Variants in AKAP7 observed in about 807,000 individuals in gnomAD.
AKAP7 encodes A-kinase anchoring protein 7.
A neutral mutation model predicts 39.5 loss-of-function variants in AKAP7; 39 were observed. The ratio of observed to expected loss-of-function variants is 0.99; its 90% CI spans 0.76 to 1.29. AKAP7 has a LOEUF of 1.29. Ranked by LOEUF, AKAP7 falls within the 50% of genes most tolerant of loss-of-function variation. AKAP7 has a pLI of 0.00. For synonymous variants in AKAP7, 140 were observed against 139.1 expected, an observed-to-expected ratio of 1.01 and a Z score of -0.05; for missense variants, 414 against 407.7, an observed-to-expected ratio of 1.02 and a Z score of -0.13.
At chr6:131,242,680 A>T (rs1436188089) in intron 7 of AKAP7, among the ~76,000 whole-genome samples, 2 of 152,118 alleles carry the variant, frequency 1.3e-5, no homozygotes, top group Non-Finnish European at 2.9e-5. Context: ...GCCTCAGGCC[A>T]CATGGGCCTG....
At chr6:131,271,829 G>A (rs533345435) in intron 7 of AKAP7, among the ~76,000 whole-genome samples, 1 of 152,270 alleles carries the variant, frequency 6.6e-6, no homozygotes, top group South Asian at 2.1e-4. Flanking sequence ...GCCACGAATA[G>A]GTACATTGCG....
intron 7 of AKAP7, among the ~76,000 whole-genome samples, chr6:131,257,898 A>AC (rs1812996903): frequency 6.6e-6 from 1 of 152,174 alleles, no homozygotes; most frequent in Admixed American, 6.5e-5. Context: ...TTTAGGGGAC[A>AC]CTCAGTGTGT....
At chr6:131,149,450 C>T (rs2128229832) in intron 2 of AKAP7, among the ~76,000 whole-genome samples, 1 of 152,280 alleles carries the variant, frequency 6.6e-6, no homozygotes, top group African/African-American at 2.4e-5. Context: ...GCCTGGCCAA[C>T]ATGGTGAAAT....
At chr6:131,147,542 A>G (rs567189868) in intron 2 of AKAP7, among the ~76,000 whole-genome samples, 87 of 152,354 alleles carry the variant, frequency 5.7e-4, no homozygotes, top group Non-Finnish European at 9.4e-4. Context: ...TAATTAGAAG[A>G]TACTCTTAGA....
intron 7 of AKAP7, among the ~76,000 whole-genome samples, chr6:131,241,637 A>ATATATATATATGTGTGTG (rs1554217972): frequency 1.3e-5 from 1 of 78,788 alleles, no homozygotes; most frequent in African/African-American, 4.5e-5. Context: ...GTATATATAT[A>ATATATATATATGTGTGTG]TGACAGTTAT....
chr6:131,150,286 G>A (rs1021247825), intron 2 of AKAP7, among the ~76,000 whole-genome samples: 9 of 151,988 alleles, frequency 5.9e-5, no homozygotes, highest in African/African-American at 1.7e-4. Flanking sequence ...ATGGGAAATC[G>A]TAATTTTGCT....
intron 6 of AKAP7, among the ~76,000 whole-genome samples, chr6:131,209,584 C>A (rs1055925783): frequency 6.6e-6 from 1 of 152,120 alleles, no homozygotes; most frequent in African/African-American, 2.4e-5. Context: ...ATTGAAGAAA[C>A]AGAGTTTTAG....
intron 7 of AKAP7, among the ~76,000 whole-genome samples, chr6:131,271,007 C>A (rs1814229795): frequency 6.6e-6 from 1 of 152,138 alleles, no homozygotes; most frequent in Non-Finnish European, 1.5e-5. Context: ...TATGTTCTCC[C>A]AGTCTGTGGA....
chr6:131,145,909 GTTATA>G lies in AKAP7; in HGVS notation c.151+496_151+500del, dbSNP rs1801447031. Reference sequence around the variant, plus strand: ...TATCTATTGGTATAATAATAATAATGTTATATTCATATATAATAATATCTGTGATA... The same window carrying G: ...TATCTATTGGTATAATAATAATAATGTTCATATATAATAATATCTGTGATA... On this transcript the variant is annotated intron_variant, in intron 2 of 7. Coordinates refer to ENST00000431975, the MANE Select transcript of AKAP7 (RefSeq NM_016377.4). 2.0e-5 allele frequency among the ~76,000 whole-genome samples: 3 copies of G among 151,978 alleles called. No individual in the cohort carries two copies. In the South Asian group the frequency reaches 6.2e-4, roughly 31 times the overall value.
chr6:131,250,742 G>A, intron 7 of AKAP7: 6 of 943,656 alleles, frequency 6.4e-6, no homozygotes, highest in Non-Finnish European at 9.7e-6. Context: ...GGTTTTTAAT[G>A]TGTGTTTCTT....
intron 5 of AKAP7, among the ~76,000 whole-genome samples, chr6:131,178,322 C>T (rs572464329): frequency 8.5e-5 from 13 of 152,224 alleles, no homozygotes; most frequent in South Asian, 4.2e-4. Flanking sequence ...TAATAGTAAC[C>T]GTTCTGAAAA....
At chr6:131,179,389 G>T (rs1346650776) in intron 5 of AKAP7, among the ~76,000 whole-genome samples, 2 of 152,106 alleles carry the variant, frequency 1.3e-5, no homozygotes, top group African/African-American at 2.4e-5. Flanking sequence ...GGCCAGGCTG[G>T]TCTCAAACTC....
In AKAP7 at chr6:131,173,143, G is replaced by A. The variant is rs982040325; in HGVS notation, c.589+3870G>A. On this transcript the variant is annotated intron_variant, in intron 5 of 7. Transcript: ENST00000431975. ...TTGAACCCGGGAGGCGGAGGTTGCA[G>A]TGAGCCGAGATCGTGCCACTGCACT... Among the ~76,000 whole-genome samples the A allele has an allele frequency of 2.0e-5, 3 of 149,672 alleles. No homozygotes were observed. In the Admixed American group the frequency reaches 2.0e-4, roughly 10 times the overall value.
At chr6:131,139,015 C>T (rs575566644) in intron 1 of AKAP7, among the ~76,000 whole-genome samples, 1 of 152,120 alleles carries the variant, frequency 6.6e-6, no homozygotes, top group Non-Finnish European at 1.5e-5. Flanking sequence ...GTACTCAACC[C>T]AATGAACTTA....
At chr6:131,155,217 T>C (rs1453187394) in intron 2 of AKAP7, among the ~76,000 whole-genome samples, 3 of 152,326 alleles carry the variant, frequency 2.0e-5, no homozygotes, top group African/African-American at 7.2e-5. Flanking sequence ...TCTTGCTGTG[T>C]TGCCCAGCCT....
chr6:131,126,088 T>C, the AKAP7 span, among the ~76,000 whole-genome samples: 1 of 152,234 alleles, frequency 6.6e-6, no homozygotes, highest in Non-Finnish European at 1.5e-5. Context: ...TGTTATTAAA[T>C]AAGTAGTCAC....
At chr6:131,229,000 A>G (rs1246773293) in intron 7 of AKAP7, among the ~76,000 whole-genome samples, 1 of 152,222 alleles carries the variant, frequency 6.6e-6, no homozygotes, top group Non-Finnish European at 1.5e-5. Context: ...AATGGGAGGT[A>G]TGCTTGAGGC....
At chr6:131,245,096 A>C (rs898706412) in intron 7 of AKAP7, among the ~76,000 whole-genome samples, 1 of 152,132 alleles carries the variant, frequency 6.6e-6, no homozygotes, top group Non-Finnish European at 1.5e-5. Context: ...TTTATAGATA[A>C]AGTTTTTTCG....
At chr6:131,253,028 A>G (rs766174318) in intron 7 of AKAP7, 116 of 1,613,038 alleles carry the variant, frequency 7.2e-5, no homozygotes, top group Non-Finnish European at 9.6e-5. Context: ...TGTTATTCTC[A>G]AAACACAGGT....
Sources: gnomAD v4.1 joint callset for allele counts (sites outside exome capture counted in the v4.1 genomes callset) on GRCh38, gnomAD v4.1.1 for gene constraint, MANE v1.5 for transcripts, NCBI Gene and HGNC (gene_info 2026-07-23, HGNC 2026-07-21) for gene names.